Variants in PTBP3 observed in about 807,000 individuals in gnomAD.
The protein encoded by PTBP3 is polypyrimidine tract-binding protein 3.
In PTBP3, 20 loss-of-function variants were observed where a neutral mutation model predicts 58.7. The ratio of observed to expected loss-of-function variants is 0.34; its 90% CI spans 0.24 to 0.50. PTBP3 has a LOEUF of 0.50. Among genes scored for constraint, PTBP3 ranks in the 20% least tolerant of loss-of-function variants. PTBP3 has a pLI of 0.98. For missense variants in PTBP3, 509 were observed against 637.2 expected, an observed-to-expected ratio of 0.80 and a Z score of 2.17; for synonymous variants, 185 against 219.8, an observed-to-expected ratio of 0.84 and a Z score of 1.40.
intron 1 of PTBP3, among the ~76,000 whole-genome samples, chr9:112,309,964 C>T (rs1165331481): frequency 6.6e-6 from 1 of 152,174 alleles, no homozygotes; most frequent in African/African-American, 2.4e-5. Context: ...ATAAACACAT[C>T]TAAACCTAAA....
the PTBP3 span, among the ~76,000 whole-genome samples, chr9:112,370,490 G>A: frequency 2.0e-5 from 3 of 152,124 alleles, no homozygotes; most frequent in African/African-American, 4.8e-5. Context: ...GCAGTGAACC[G>A]AGATTGCGCT....
chr9:112,305,191 A>G (rs1301975037), intron 1 of PTBP3, among the ~76,000 whole-genome samples: 1 of 152,134 alleles, frequency 6.6e-6, no homozygotes, highest in Non-Finnish European at 1.5e-5. Context: ...GTCCAAAGAA[A>G]GGTGTGGCTT....
At chr9:112,322,885 A>T (rs1295866399) in intron 1 of PTBP3, among the ~76,000 whole-genome samples, 1 of 152,236 alleles carries the variant, frequency 6.6e-6, no homozygotes, top group Admixed American at 6.5e-5. Context: ...GGACATGTCC[A>T]GGTGAACCAA....
chr9:112,282,189 G>A (rs146396251), intron 2 of PTBP3, among the ~76,000 whole-genome samples: 90 of 152,226 alleles, frequency 5.9e-4, no homozygotes, highest in African/African-American at 2.1e-3. Context: ...ATTCTGGGAG[G>A]ATACAAACAT....
chr9:112,226,087 A>G (rs1419816805), intron 12 of PTBP3, among the ~76,000 whole-genome samples: 1 of 151,984 alleles, frequency 6.6e-6, no homozygotes, highest in Non-Finnish European at 1.5e-5. Context: ...GCTAATGATG[A>G]CAGGTGCCTG....
At chr9:112,226,633 T>A (rs1835000112) in intron 12 of PTBP3, among the ~76,000 whole-genome samples, 1 of 152,216 alleles carries the variant, frequency 6.6e-6, no homozygotes, top group Non-Finnish European at 1.5e-5. Context: ...ACAGTAAATA[T>A]CTTAGGCTGT....
chr9:112,226,351 T>A (rs1834989924), intron 12 of PTBP3, among the ~76,000 whole-genome samples: 1 of 152,104 alleles, frequency 6.6e-6, no homozygotes, highest in African/African-American at 2.4e-5. Context: ...ACTATTCACT[T>A]CCCATTCTCA....
At chr9:112,256,273 AT>A (rs56081429) in intron 5 of PTBP3, among the ~76,000 whole-genome samples, 12 of 72,786 alleles carry the variant, frequency 1.6e-4, no homozygotes, top group Admixed American at 5.2e-4. Flanking sequence ...AAAAAACAAA[AT>A]ATATATATAT....
At chr9:112,229,564 CA>C (rs35366224) in intron 10 of PTBP3, among the ~76,000 whole-genome samples, 71,694 of 141,334 alleles carry the variant, frequency 0.51, 18,984 homozygotes, top group African/African-American at 0.73. Context: ...GACCCTGTCT[CA>C]AAAAAAAAAA....
chr9:112,365,947 T>G, the PTBP3 span, among the ~76,000 whole-genome samples: 1 of 152,172 alleles, frequency 6.6e-6, no homozygotes, highest in Non-Finnish European at 1.5e-5. Flanking sequence ...GACAATGCGA[T>G]AGAAAAGAAA....
chr9:112,371,705 G>A, the PTBP3 span, among the ~76,000 whole-genome samples: 2 of 127,120 alleles, frequency 1.6e-5, no homozygotes, highest in Non-Finnish European at 1.6e-5. Context: ...AGTCATAAAA[G>A]TTACACCTTT....
At chr9:112,282,067 C>A (rs1827891970) in intron 2 of PTBP3, among the ~76,000 whole-genome samples, 1 of 152,146 alleles carries the variant, frequency 6.6e-6, no homozygotes, top group South Asian at 2.1e-4. Flanking sequence ...GTAGTCTAAT[C>A]CAATCCCCTC....
rs1226319074 is a variant in PTBP3 at position 112,229,069 on chromosome 9, T to G, written c.1055-597A>C. Among the ~76,000 whole-genome samples, 3 of 152,288 alleles carry G rather than the reference T, an allele frequency of 2.0e-5. No individual in the cohort carries two copies. In the East Asian group the frequency reaches 5.8e-4, roughly 29 times the overall value. Reference sequence around the variant, plus strand: ...AGTGATTCACTGGGGTATGGAAAGATAATAATCAAACTCTTATCTATACTA... The same window carrying G: ...AGTGATTCACTGGGGTATGGAAAGAGAATAATCAAACTCTTATCTATACTA... On this transcript the variant is annotated intron_variant, in intron 10 of 13. Coordinates refer to ENST00000374257, the MANE Select transcript of PTBP3 (RefSeq NM_001163788.4).
chr9:112,276,016 A>G lies in PTBP3; in HGVS notation c.35-3T>C, dbSNP rs1195924926. The G allele has an allele frequency of 6.2e-7, 1 of 1,608,394 alleles. No homozygotes were observed. The highest frequency in any genetic ancestry group is 1.3e-5 in the African/African-American group (1 of 74,664). On this transcript the variant is annotated splice_region_variant and splice_polypyrimidine_tract_variant and intron_variant, in intron 2 of 13. Transcript: ENST00000374257. ...TTTCTTGCTGTCATTCCCATTAGCT[A>G]AAAAACATAAGATTCTTTTTTAAAT...
rs34426952 is a variant in PTBP3, at chr9:112,287,334, G to GTTTTTTTTTTTTTTTTTTTTTTTT, written c.34+10497_34+10498insAAAAAAAAAAAAAAAAAAAAAAAA. ...TAAGGCTCTGTTCACTTCTTTTTCA[G>GTTTTTTTTTTTTTTTTTTTTTTTT]TTTTTTGTTTTTTTTTTTTTTTTGA... On this transcript the variant is annotated intron_variant, in intron 2 of 13. Coordinates refer to ENST00000374257, the MANE Select transcript of PTBP3 (RefSeq NM_001163788.4). 1.6e-4 allele frequency among the ~76,000 whole-genome samples: 15 copies of GTTTTTTTTTTTTTTTTTTTTTTTT among 96,086 alleles called. 7 individuals carry two copies. The highest frequency in any genetic ancestry group is 2.3e-4 in the Non-Finnish European group (12 of 52,582). 63.0% of individuals were successfully genotyped at this position (96,086 alleles called of 152,430 possible).
At chr9:112,273,957 G>C (rs1827500714) in intron 3 of PTBP3, among the ~76,000 whole-genome samples, 1 of 152,194 alleles carries the variant, frequency 6.6e-6, no homozygotes, top group African/African-American at 2.4e-5. Context: ...CAGTAGCAGA[G>C]ACAAAGAAAA....
intron 1 of PTBP3, chr9:112,330,453 T>C: frequency 6.6e-7 from 1 of 1,526,266 alleles, no homozygotes; most frequent in East Asian, 2.3e-5. Context: ...TTAAACCGAC[T>C]GTTATAAGAT....
chr9:112,306,107 TG>T (rs1829192866), intron 1 of PTBP3, among the ~76,000 whole-genome samples: 1 of 152,182 alleles, frequency 6.6e-6, no homozygotes, highest in African/African-American at 2.4e-5. Context: ...ACATCACAGT[TG>T]GCCTAATTCT....
chr9:112,348,182 T>C, the PTBP3 span, among the ~76,000 whole-genome samples: 3 of 152,200 alleles, frequency 2.0e-5, no homozygotes, highest in African/African-American at 7.2e-5. Context: ...TAGGCAGGCA[T>C]GAGCAGGGCA....
Sources: gnomAD v4.1 joint callset for allele counts (sites outside exome capture counted in the v4.1 genomes callset) on GRCh38, gnomAD v4.1.1 for gene constraint, MANE v1.5 for transcripts, NCBI Gene and HGNC (gene_info 2026-07-23, HGNC 2026-07-21) for gene names.